Variants in FADS2 observed in about 807,000 individuals in gnomAD.
FADS2 encodes the protein fatty acid desaturase 2.
In FADS2, 18 loss-of-function variants were observed where a neutral mutation model predicts 61.2. The observed-to-expected ratio is 0.29, with a 90% CI of 0.20 to 0.44. The LOEUF (loss-of-function observed/expected upper bound fraction) is 0.44. FADS2 is among the 20% of genes least tolerant of loss of function. The probability of loss-of-function intolerance (pLI) is 1.00; values close to 1 mark genes in which losing one functional copy is unlikely to be tolerated. For missense variants in FADS2, 322 were observed against 572.7 expected (o/e 0.56, Z 4.47); for synonymous variants, 203 against 223.9 (o/e 0.91, Z 0.83).
intron 5 of FADS2, among the ~76,000 whole-genome samples, chr11:61,851,455 G>A (rs1227287973): frequency 6.6e-6 from 1 of 152,200 alleles, no homozygotes; most frequent in Non-Finnish European, 1.5e-5. Context: ...AGCCAGTGCC[G>A]CGGTGTTCTG....
intron 4 of FADS2, 122 bp from the exon 5 acceptor site, chr11:61,848,037 G>A: frequency 1.7e-6 from 2 of 1,155,236 alleles, no homozygotes; most frequent in South Asian, 2.9e-5. Flanking sequence ...CCTTGTGGGG[G>A]CCTGAAGTGC....
chr11:61,824,405 A>G (rs2067054726), upstream of FADS2, among the ~76,000 whole-genome samples: 1 of 7,132 alleles, frequency 1.4e-4, no homozygotes, highest in Non-Finnish European at 4.3e-4. Context: ...AGAGAGAGAG[A>G]GAGAGAGAGA....
intron 1 of FADS2, among the ~76,000 whole-genome samples, chr11:61,833,549 A>T (rs1174446024): frequency 6.6e-6 from 1 of 152,240 alleles, no homozygotes; most frequent in Non-Finnish European, 1.5e-5. Flanking sequence ...TACTCAGCTC[A>T]TTCCCGAGTG....
intron 4 of FADS2, among the ~76,000 whole-genome samples, chr11:61,844,069 T>C (rs922279230): frequency 2.0e-5 from 3 of 152,330 alleles, no homozygotes; most frequent in African/African-American, 4.8e-5. Context: ...TGGAAAAACA[T>C]GCAACCCTCT....
At chr11:61,841,762 G>A (rs750358114) in intron 4 of FADS2, among the ~76,000 whole-genome samples, 2 of 152,010 alleles carry the variant, frequency 1.3e-5, no homozygotes, top group Admixed American at 6.6e-5. Flanking sequence ...GGAAATAAGC[G>A]GGGTACAAAA....
At chr11:61,824,502 G>GAGAGAGAGAGAGAGA (rs140558358), upstream of FADS2, among the ~76,000 whole-genome samples, 3 of 21,688 alleles carry the variant, frequency 1.4e-4, no homozygotes, top group Admixed American at 6.5e-4. Context: ...AAGAAAGAAA[G>GAGAGAGAGAGAGAGA]GAAAGAAAGA....
chr11:61,827,031 A>ACTCCTCTAGTGATTCCCAAGC (rs1555073726), upstream of FADS2, among the ~76,000 whole-genome samples: 1 of 151,930 alleles, frequency 6.6e-6, no homozygotes, highest in African/African-American at 2.4e-5. The surrounding 1 kb of genome is among the most constrained non-coding windows in gnomAD (Gnocchi z 4.5). Flanking sequence ...GGGCCCTATA[A>ACTCCTCTAGTGATTCCCAAGC]CTCCTCTAGT....
At chr11:61,831,595 G>C (rs1323437255) in intron 1 of FADS2, among the ~76,000 whole-genome samples, 1 of 152,192 alleles carries the variant, frequency 6.6e-6, no homozygotes, top group Non-Finnish European at 1.5e-5. Flanking sequence ...TCCTTCCACA[G>C]AAGCTAAACC....
At chr11:61,848,128 A>G (rs748127745) in intron 4 of FADS2, 31 bp from the exon 5 acceptor site, 3 of 1,613,648 alleles carry the variant, frequency 1.9e-6, no homozygotes, top group Non-Finnish European at 2.5e-6. Context: ...GGTGGCTTGC[A>G]TGGCTCATCC....
chr11:61,820,693 A>G (rs1017689093), intron 1 of FADS2, among the ~76,000 whole-genome samples: 1 of 152,086 alleles, frequency 6.6e-6, no homozygotes, highest in African/African-American at 2.4e-5. Flanking sequence ...TGAGGTCAGG[A>G]GCTCCAGACC....
upstream of FADS2, among the ~76,000 whole-genome samples, chr11:61,824,939 TC>T (rs1253171165): frequency 6.6e-6 from 1 of 152,084 alleles, no homozygotes; most frequent in Non-Finnish European, 1.5e-5. Flanking sequence ...ACGCCTGTAA[TC>T]CCAGCACTTT....
intron 5 of FADS2, chr11:61,848,540 A>G (rs2851682): frequency 0.12 from 64,523 of 544,900 alleles, 5,969 homozygotes; most frequent in East Asian, 0.36. Flanking sequence ...TACCTCTCCT[A>G]GGTACCCTGA....
chr11:61,849,606 T>C (rs892636030), intron 5 of FADS2: 1 of 151,488 alleles, frequency 6.6e-6, no homozygotes, highest in African/African-American at 2.4e-5. Context: ...AAAAAAAAAG[T>C]GAGTCTCTCA....
chr11:61,858,395 T>C (rs1467326529), intron 7 of FADS2, among the ~76,000 whole-genome samples: 5 of 151,882 alleles, frequency 3.3e-5, no homozygotes, highest in Non-Finnish European at 7.4e-5. Context: ...GCGAGGCTGG[T>C]CTCGAACTCC....
chr11:61,842,165 C>G (rs1001357742), intron 4 of FADS2, among the ~76,000 whole-genome samples: 4 of 152,216 alleles, frequency 2.6e-5, no homozygotes, highest in Non-Finnish European at 5.9e-5. Flanking sequence ...CTCTTCCACC[C>G]AGACCGCAAC....
At chr11:61,863,655 CG>C in intron 9 of FADS2, 51 bp from the exon 10 acceptor site, 1 of 1,503,456 alleles carries the variant, frequency 6.7e-7, no homozygotes, top group Non-Finnish European at 9.3e-7. Context: ...GGAATGAGGC[CG>C]GGCCCTTGGG....
chr11:61,848,006 C>T, intron 4 of FADS2, 153 bp from the exon 5 acceptor site: 2 of 813,006 alleles, frequency 2.5e-6, no homozygotes, highest in South Asian at 1.7e-5. Flanking sequence ...TGAGCTCAGT[C>T]ATGGCAGGGC....
intron 1 of FADS2, among the ~76,000 whole-genome samples, chr11:61,829,958 A>T (rs1445230446): frequency 6.6e-6 from 1 of 152,204 alleles, no homozygotes; most frequent in African/African-American, 2.4e-5. Context: ...AAGGTCAGCG[A>T]TACTGAAATT....
chr11:61,840,209 G>T (rs1341099588), intron 2 of FADS2, 125 bp from the exon 3 acceptor site: 8 of 775,006 alleles, frequency 1.0e-5, no homozygotes, highest in Non-Finnish European at 8.9e-6. Context: ...GAGGCTTGTG[G>T]CTTGGCCCCC....
Sources: gnomAD v4.1 joint callset for allele counts (sites outside exome capture counted in the v4.1 genomes callset) on GRCh38, gnomAD v4.1.1 for gene constraint, Gnocchi (gnomAD v3.1) non-coding constraint, MANE v1.5 for transcripts, NCBI Gene and HGNC (gene_info 2026-07-23, HGNC 2026-07-21) for gene names.